The following EPS15L1 variants were observed in gnomAD, a reference collection of about 807,000 sequenced individuals.
EPS15L1 encodes epidermal growth factor receptor pathway substrate 15 like 1.
A neutral mutation model predicts 117.1 loss-of-function variants in EPS15L1; 43 were observed. The ratio of observed to expected loss-of-function variants is 0.37; its 90% CI spans 0.29 to 0.47. EPS15L1 has a LOEUF of 0.47. Among genes scored for constraint, EPS15L1 ranks in the 20% least tolerant of loss-of-function variants. The pLI is 0.99. For synonymous variants in EPS15L1, 459 were observed against 470.5 expected (o/e 0.98, Z 0.32); for missense variants, 981 against 1,164.0 (o/e 0.84, Z 2.29).
intron 19 of EPS15L1, among the ~76,000 whole-genome samples, chr19:16,386,603 C>G (rs2092423012): frequency 6.6e-6 from 1 of 152,210 alleles, no homozygotes; most frequent in Admixed American, 6.5e-5. Context: ...GCCTAAGATT[C>G]TGGTAGAATC....
chr19:16,366,592 G>C (rs1219399208), intron 22 of EPS15L1, among the ~76,000 whole-genome samples: 2 of 152,166 alleles, frequency 1.3e-5, no homozygotes, highest in Non-Finnish European at 2.9e-5. Flanking sequence ...ATGGTAATAT[G>C]AAACCAGGGC....
chr19:16,386,884 C>T (rs1454569429), intron 19 of EPS15L1, among the ~76,000 whole-genome samples: 1 of 152,228 alleles, frequency 6.6e-6, no homozygotes, highest in East Asian at 1.9e-4. Flanking sequence ...CCTGCTGAAA[C>T]AAATCCATTC....
At chr19:16,448,629 G>A (rs2093110027) in intron 1 of EPS15L1, among the ~76,000 whole-genome samples, 1 of 151,414 alleles carries the variant, frequency 6.6e-6, no homozygotes, top group Non-Finnish European at 1.5e-5. Context: ...GGATCACCTG[G>A]GGTCAGGAGT....
chr19:16,438,511 C>T (rs1000371098), intron 4 of EPS15L1, among the ~76,000 whole-genome samples: 1 of 152,096 alleles, frequency 6.6e-6, no homozygotes, highest in Non-Finnish European at 1.5e-5. Context: ...GTTAAGGTTA[C>T]GAATGATGGA....
chr19:16,453,242 A>G (rs1380446316), intron 1 of EPS15L1, among the ~76,000 whole-genome samples: 1 of 151,984 alleles, frequency 6.6e-6, no homozygotes, highest in Non-Finnish European at 1.5e-5. Context: ...TGGGTCTATA[A>G]GTGCATGCCA....
Position 16,395,402 on chromosome 19 carries a change from A to G in EPS15L1, c.1857T>C (p.Pro619=). The change falls in exon 17 of 24, where the codon CCT becomes CCC. Residue 619 remains proline, a synonymous_variant. Transcript: ENST00000455140. The part of the protein sequence containing the change: ...SNNTQELHPD[P]FQTEDPFKSD... Reference sequence around the variant, plus strand: ...ATTTGAAGGGGTCTTCTGTCTGGAAAGGATCCGGATGCAACTCTTGCGTGT... The same window carrying G: ...ATTTGAAGGGGTCTTCTGTCTGGAAGGGATCCGGATGCAACTCTTGCGTGT... 6.2e-7 allele frequency: 1 copy of G among 1,613,890 alleles called. No individual in the cohort carries two copies. Among genetic ancestry groups the G allele is most frequent in the Non-Finnish European group, 8.5e-7 (1 of 1,179,816 alleles).
chr19:16,356,656 ACACTGCCATTTAGT>A (rs1314337669), intron 23 of EPS15L1: 1 of 152,210 alleles, frequency 6.6e-6, no homozygotes, highest in Non-Finnish European at 1.5e-5. Context: ...TGTGGCACTT[ACACTGCCATTTAGT>A]CAAGTTTTTA....
At chr19:16,421,512 G>A (rs1361421887) in intron 9 of EPS15L1, 36 bp from the exon 10 acceptor site, 1 of 1,591,726 alleles carries the variant, frequency 6.3e-7, no homozygotes, top group Non-Finnish European at 8.6e-7. Context: ...TAATCTGGAA[G>A]CTTTTTATGA....
At chr19:16,377,351 A>T (rs1314980621) in intron 21 of EPS15L1, 97 bp from the exon 22 acceptor site, 1 of 1,409,884 alleles carries the variant, frequency 7.1e-7, no homozygotes, top group Non-Finnish European at 9.8e-7. Context: ...GGGCCCTGGC[A>T]AGGCCTCCTA....
chr19:16,356,042 G>C (rs895061026), intron 23 of EPS15L1, among the ~76,000 whole-genome samples, 191 bp from the exon 24 acceptor site: 8 of 152,272 alleles, frequency 5.3e-5, no homozygotes, highest in African/African-American at 1.9e-4. Flanking sequence ...CCCCCATCTG[G>C]AAAGCAGAGT....
At chr19:16,372,362 A>G (rs1408958734) in intron 22 of EPS15L1, among the ~76,000 whole-genome samples, 2 of 152,204 alleles carry the variant, frequency 1.3e-5, no homozygotes, top group Non-Finnish European at 2.9e-5. Context: ...TTTAAACAAA[A>G]TAAGACAAGC....
chr19:16,416,060 C>T (rs758970581), intron 12 of EPS15L1, among the ~76,000 whole-genome samples: 7 of 152,196 alleles, frequency 4.6e-5, no homozygotes, highest in Non-Finnish European at 8.8e-5. Context: ...TAACCAGCCA[C>T]CCACCTTGAT....
intron 6 of EPS15L1, 63 bp from the exon 7 acceptor site, chr19:16,434,553 G>A: frequency 6.5e-7 from 1 of 1,549,830 alleles, no homozygotes; most frequent in Non-Finnish European, 8.7e-7. Flanking sequence ...TCCAGACCGA[G>A]CTCTGACCGA....
intron 19 of EPS15L1, among the ~76,000 whole-genome samples, chr19:16,391,917 A>T (rs967459852): frequency 2.6e-5 from 4 of 152,212 alleles, no homozygotes; most frequent in Admixed American, 2.6e-4. Context: ...GGCCGGGTCC[A>T]TGCGAGCATG....
chr19:16,411,197 T>C (rs140658199), intron 13 of EPS15L1, among the ~76,000 whole-genome samples: 179 of 152,092 alleles, frequency 1.2e-3, no homozygotes, highest in African/African-American at 4.0e-3. Context: ...ACCCAAATAT[T>C]CCCCGATGGG....
chr19:16,387,456 A>C (rs2092431921), intron 19 of EPS15L1, among the ~76,000 whole-genome samples: 1 of 152,198 alleles, frequency 6.6e-6, no homozygotes, highest in South Asian at 2.1e-4. Context: ...AAATACAAAA[A>C]ATTAGATGGG....
At chr19:16,390,584 T>C (rs12459477) in intron 19 of EPS15L1, among the ~76,000 whole-genome samples, 3,792 of 152,250 alleles carry the variant, frequency 0.025, 123 homozygotes, top group Admixed American at 0.088. Flanking sequence ...TTCACCAACA[T>C]AGGCCACAAA....
chr19:16,441,088 C>A (rs1178064767), intron 3 of EPS15L1, 179 bp from the exon 4 acceptor site: 2 of 669,254 alleles, frequency 3.0e-6, no homozygotes, highest in African/African-American at 3.6e-5. Flanking sequence ...CAGGGGCGCA[C>A]AGCCAGTCAG....
rs906271203 is a variant in EPS15L1, at chr19:16,471,277, T to C, written c.33+636A>G. Reference sequence around the variant, plus strand: ...TGGATAGAAAATGAATGAATGAAAGTCTCTCCCAAATAACAGAGCTGCCTA... The same window carrying C: ...TGGATAGAAAATGAATGAATGAAAGCCTCTCCCAAATAACAGAGCTGCCTA... On this transcript the variant is annotated intron_variant, in intron 1 of 23. Transcript: ENST00000455140. The surrounding 1 kb of genome is among the most constrained non-coding windows in gnomAD (Gnocchi z 4.8). 3.3e-5 allele frequency among the ~76,000 whole-genome samples: 5 copies of C among 152,174 alleles called. No individual in the cohort carries two copies. The highest frequency in any genetic ancestry group is 1.2e-4 in the African/African-American group (5 of 41,454).
Sources: allele counts gnomAD v4.1 joint callset (sites outside exome capture counted in the v4.1 genomes callset), GRCh38; gene constraint gnomAD v4.1.1; non-coding constraint Gnocchi (gnomAD v3.1); transcripts MANE v1.5; gene names NCBI Gene and HGNC (gene_info 2026-07-23, HGNC 2026-07-21).